NSMAF: variants seen among roughly 807,000 people sequenced by gnomAD.
The protein encoded by NSMAF is neutral sphingomyelinase activation associated factor.
Under a neutral mutation model 134.9 loss-of-function variants are expected in NSMAF, and 90 were observed. That is an observed-to-expected ratio of 0.67 (90% CI 0.56 to 0.79). NSMAF has a LOEUF of 0.79. Among genes scored for constraint, NSMAF ranks in the 30% least tolerant of loss-of-function variants. The probability of loss-of-function intolerance (pLI) is 0.00; values close to 1 mark genes in which losing one functional copy is unlikely to be tolerated. For synonymous variants in NSMAF, 358 were observed against 389.6 expected (o/e 0.92, Z 0.96); for missense variants, 1,010 against 1,119.0 (o/e 0.90, Z 1.39).
intron 6 of NSMAF, among the ~76,000 whole-genome samples, chr8:58,629,135 T>G (rs1807001282): frequency 6.6e-6 from 1 of 152,184 alleles, no homozygotes; most frequent in Non-Finnish European, 1.5e-5. Context: ...TTTCTTTCTC[T>G]CTCTCTTCTC....
Position 58,623,234 on chromosome 8 carries a change from T to A in NSMAF, c.543A>T (p.Ser181=). The change falls in exon 9 of 31, where the codon TCA becomes TCT. Residue 181 remains serine (S), a synonymous_variant. Transcript: ENST00000038176. The part of the protein sequence containing the change: ...AILQSRLART[S]FDKNRFQNIS... Reference sequence around the variant, plus strand: ...TAGAAACTTACCTGTTTTTGTCAAATGATGTTCTAGCTAAACGAGACTGCA... The same window carrying A: ...TAGAAACTTACCTGTTTTTGTCAAAAGATGTTCTAGCTAAACGAGACTGCA... 1 of 1,609,638 alleles carries A rather than the reference T, an allele frequency of 6.2e-7. No homozygotes were observed. Among genetic ancestry groups the A allele is most frequent in the Non-Finnish European group, 8.5e-7 (1 of 1,177,476 alleles).
chr8:58,652,871 T>C (rs1421479557), intron 1 of NSMAF, among the ~76,000 whole-genome samples: 2 of 152,282 alleles, frequency 1.3e-5, no homozygotes, highest in East Asian at 3.9e-4. Context: ...CATCCAACCC[T>C]GATCAGAGGA....
chr8:58,590,274 T>C (rs549166616), intron 24 of NSMAF, among the ~76,000 whole-genome samples, 200 bp from the exon 25 acceptor site: 5 of 152,332 alleles, frequency 3.3e-5, no homozygotes, highest in East Asian at 3.9e-4. Context: ...TGTCCATGTA[T>C]GTCAAGGGTA....
At chr8:58,622,636 GC>G (rs1806814314) in intron 9 of NSMAF, among the ~76,000 whole-genome samples, 1 of 151,912 alleles carries the variant, frequency 6.6e-6, no homozygotes, top group Non-Finnish European at 1.5e-5. Flanking sequence ...CTCGTGATCT[GC>G]CCACCTCAGC....
chr8:58,623,459 T>G, intron 7 of NSMAF, 35 bp from the exon 8 acceptor site: 3 of 1,593,084 alleles, frequency 1.9e-6, no homozygotes, highest in Non-Finnish European at 2.6e-6. Flanking sequence ...ATTTATTTTT[T>G]CTCTCAGATG....
At chr8:58,655,628 A>G (rs1353214312) in intron 1 of NSMAF, among the ~76,000 whole-genome samples, 1 of 152,098 alleles carries the variant, frequency 6.6e-6, no homozygotes, top group Non-Finnish European at 1.5e-5. Context: ...CAAGGAAGAC[A>G]TGTGAATTGC....
At chr8:58,599,432 C>A (rs1806222431) in intron 18 of NSMAF, 69 bp from the exon 19 acceptor site, 1 of 1,533,532 alleles carries the variant, frequency 6.5e-7, no homozygotes. Flanking sequence ...TCTTGTCTAT[C>A]TATATGTATA....
chr8:58,613,925 C>T (rs759120823), intron 9 of NSMAF, among the ~76,000 whole-genome samples: 25 of 152,122 alleles, frequency 1.6e-4, no homozygotes, highest in Non-Finnish European at 2.6e-4. Context: ...GAGTGCATTT[C>T]GGACTTTTGG....
At chr8:58,624,460 T>C (rs1036814723) in intron 6 of NSMAF, among the ~76,000 whole-genome samples, 1 of 152,190 alleles carries the variant, frequency 6.6e-6, no homozygotes, top group Non-Finnish European at 1.5e-5. Flanking sequence ...TGGTATATCA[T>C]GTTTTCATTT....
At chr8:58,607,442 T>TACAGC (rs1262929006) in intron 11 of NSMAF, among the ~76,000 whole-genome samples, 6 of 152,234 alleles carry the variant, frequency 3.9e-5, no homozygotes, top group Non-Finnish European at 5.9e-5. Context: ...TGGAGGCAAG[T>TACAGC]ACAGCACAGG....
intron 2 of NSMAF, chr8:58,639,965 T>TA (rs762934117): frequency 7.6e-6 from 3 of 396,494 alleles, no homozygotes; most frequent in Non-Finnish European, 1.0e-5. Flanking sequence ...GAATGGAACT[T>TA]ACGAAAATTT....
chr8:58,657,264 A>C (rs1348090943), intron 1 of NSMAF, among the ~76,000 whole-genome samples: 2 of 152,240 alleles, frequency 1.3e-5, no homozygotes, highest in African/African-American at 2.4e-5. Context: ...GCTCATTTCA[A>C]GTTTCTTTTC....
At chr8:58,602,947 C>A (rs898734631) in intron 13 of NSMAF, among the ~76,000 whole-genome samples, 2 of 152,022 alleles carry the variant, frequency 1.3e-5, no homozygotes, top group Non-Finnish European at 2.9e-5. Flanking sequence ...ATAATGATAA[C>A]CCTGGGTTAA....
intron 2 of NSMAF, among the ~76,000 whole-genome samples, chr8:58,636,235 C>A (rs1473938247): frequency 1.3e-5 from 2 of 152,180 alleles, no homozygotes; most frequent in African/African-American, 2.4e-5. Flanking sequence ...TCACTCTTGT[C>A]TTGTGTATAA....
At chr8:58,644,450 T>C (rs1807399929) in intron 1 of NSMAF, among the ~76,000 whole-genome samples, 2 of 152,102 alleles carry the variant, frequency 1.3e-5, no homozygotes, top group African/African-American at 4.8e-5. Context: ...TCCAAAAAGT[T>C]CAGAAATTGC....
intron 2 of NSMAF, among the ~76,000 whole-genome samples, chr8:58,636,364 C>A (rs1223038839): frequency 6.6e-6 from 1 of 152,196 alleles, no homozygotes; most frequent in Non-Finnish European, 1.5e-5. Context: ...ATCATTAACA[C>A]ACTCTAAGAA....
chr8:58,604,210 T>TC (rs1237103922), intron 12 of NSMAF, among the ~76,000 whole-genome samples: 1 of 151,954 alleles, frequency 6.6e-6, no homozygotes, highest in African/African-American at 2.4e-5. Flanking sequence ...AAAACACACT[T>TC]CCCCCTCGTT....
Position 58,646,475 on chromosome 8 carries a change from G to T in NSMAF, c.60-3402C>A, listed in dbSNP as rs550556846. On this transcript the variant is annotated intron_variant, in intron 1 of 30. Coordinates refer to ENST00000038176, the MANE Select transcript of NSMAF (RefSeq NM_003580.4). The stretch of plus-strand genomic sequence containing the variant: ...CTATTTTAGAACTAAAGTCATTTTG[G>T]TAAGTGAATTAATTATAGCCTCCTT... 2.0e-3 allele frequency among the ~76,000 whole-genome samples: 309 copies of T among 152,154 alleles called. 3 individuals are homozygous for T. The highest frequency in any genetic ancestry group is 1.0e-3 in the Non-Finnish European group (68 of 68,000).
intron 2 of NSMAF, among the ~76,000 whole-genome samples, chr8:58,636,772 T>C (rs150591467): frequency 3.9e-5 from 6 of 152,308 alleles, no homozygotes; most frequent in South Asian, 2.1e-4. Context: ...CCAAGGGCTG[T>C]AGTTTGCCAA....
Sources: gnomAD v4.1 joint callset for allele counts (sites outside exome capture counted in the v4.1 genomes callset) on GRCh38, gnomAD v4.1.1 for gene constraint, MANE v1.5 for transcripts, NCBI Gene and HGNC (gene_info 2026-07-23, HGNC 2026-07-21) for gene names.